KCNIP4: variants seen among roughly 807,000 people sequenced by gnomAD.
The protein encoded by KCNIP4 is potassium voltage-gated channel interacting protein 4.
A neutral mutation model predicts 34.0 loss-of-function variants in KCNIP4; 12 were observed. That is an observed-to-expected ratio of 0.35 (90% CI 0.23 to 0.57). The LOEUF is 0.57. Ranked by LOEUF, KCNIP4 falls within the 20% of genes least tolerant of loss-of-function variation. The pLI is 0.83. For missense variants in KCNIP4, 238 were observed against 311.7 expected, an observed-to-expected ratio of 0.76 and a Z score of 1.78; for synonymous variants, 124 against 102.2, an observed-to-expected ratio of 1.21 and a Z score of -1.29.
At chr4:21,310,585 C>T (rs531679070) in intron 1 of KCNIP4, among the ~76,000 whole-genome samples, 159 of 152,170 alleles carry the variant, frequency 1.0e-3, no homozygotes, top group African/African-American at 3.7e-3. Context: ...TGAAAGAAAA[C>T]GAGCAGAAGG....
chr4:21,746,680 C>CAAA lies in KCNIP4; in HGVS notation c.61+201888_61+201890dup, dbSNP rs200443248. Among the ~76,000 whole-genome samples the CAAA allele has an allele frequency of 8.9e-3, 1,315 of 147,884 alleles. 19 individuals are homozygous for CAAA. Among genetic ancestry groups the CAAA allele is most frequent in the South Asian group, 0.04 (187 of 4,660 alleles). ...ATTATCTGAGTCTTATTCATAATAC[C>CAAA]AAAAAAAAAATTGAACCAATCTAAG... On this transcript the variant is annotated intron_variant, in intron 1 of 8. Transcript: ENST00000382152.
intron 1 of KCNIP4, among the ~76,000 whole-genome samples, chr4:21,484,991 A>G (rs1285392295): frequency 6.6e-6 from 1 of 152,166 alleles, no homozygotes; most frequent in Non-Finnish European, 1.5e-5. Flanking sequence ...GAGATATTCT[A>G]CTGAATGGCA....
chr4:20,920,477 A>C (rs1729285789), intron 1 of KCNIP4, among the ~76,000 whole-genome samples: 1 of 152,216 alleles, frequency 6.6e-6, no homozygotes, highest in Admixed American at 6.5e-5. Context: ...GGAGAGGATA[A>C]CAGCACAGGC....
chr4:20,957,928 T>G (rs923331976), intron 1 of KCNIP4, among the ~76,000 whole-genome samples: 1 of 152,202 alleles, frequency 6.6e-6, no homozygotes, highest in African/African-American at 2.4e-5. Flanking sequence ...AGGTGCAGGC[T>G]TGATACAGCA....
intron 1 of KCNIP4, among the ~76,000 whole-genome samples, chr4:21,265,908 T>C (rs1176638266): frequency 1.3e-5 from 2 of 152,260 alleles, no homozygotes; most frequent in African/African-American, 4.8e-5. Flanking sequence ...AAGGTAATTA[T>C]TCAGAATTAA....
intron 1 of KCNIP4, among the ~76,000 whole-genome samples, chr4:20,957,442 G>T (rs901844443): frequency 6.6e-6 from 1 of 151,804 alleles, no homozygotes; most frequent in African/African-American, 2.4e-5. Context: ...TTGAGTAAAG[G>T]GTCCAAGACA....
At chr4:20,863,723 G>C (rs1206751693) in intron 2 of KCNIP4, among the ~76,000 whole-genome samples, 1 of 152,072 alleles carries the variant, frequency 6.6e-6, no homozygotes, top group East Asian at 1.9e-4. Flanking sequence ...TTTCCTCAGT[G>C]AAACTTTTGC....
At chr4:21,897,409 T>A (rs1275834131) in intron 1 of KCNIP4, among the ~76,000 whole-genome samples, 1 of 152,186 alleles carries the variant, frequency 6.6e-6, no homozygotes, top group Admixed American at 6.5e-5. Context: ...TATCAGAATT[T>A]TTTTTCTTGC....
At chr4:20,954,046 C>T (rs1209598563) in intron 1 of KCNIP4, among the ~76,000 whole-genome samples, 3 of 152,100 alleles carry the variant, frequency 2.0e-5, no homozygotes, top group East Asian at 3.9e-4. Flanking sequence ...ATTAACATCC[C>T]TATTTCCAAG....
intron 1 of KCNIP4, among the ~76,000 whole-genome samples, chr4:21,733,373 C>T (rs895154127): frequency 6.6e-6 from 1 of 152,098 alleles, no homozygotes; most frequent in South Asian, 2.1e-4. Context: ...TATGTTAATA[C>T]ATGTCACAAA....
intron 3 of KCNIP4, among the ~76,000 whole-genome samples, chr4:20,821,150 C>T (rs1163075247): frequency 6.6e-6 from 1 of 152,180 alleles, no homozygotes; most frequent in Non-Finnish European, 1.5e-5. Flanking sequence ...ACGGGTCTTC[C>T]CTGGGTTTTG....
At chr4:20,780,786 G>C (rs1756803641) in intron 3 of KCNIP4, among the ~76,000 whole-genome samples, 1 of 152,218 alleles carries the variant, frequency 6.6e-6, no homozygotes, top group Non-Finnish European at 1.5e-5. Context: ...CACTGTTGGA[G>C]CCTTGATCCA....
chr4:21,111,986 T>TAACATCAA (rs1200203491), intron 1 of KCNIP4, among the ~76,000 whole-genome samples: 1 of 143,820 alleles, frequency 7.0e-6, no homozygotes, highest in Admixed American at 6.9e-5. Context: ...TGCATAAAAA[T>TAACATCAA]AACATCAAAA....
At chr4:20,952,504 T>C (rs1343942778) in intron 1 of KCNIP4, among the ~76,000 whole-genome samples, 1 of 152,194 alleles carries the variant, frequency 6.6e-6, no homozygotes, top group Non-Finnish European at 1.5e-5. Context: ...TGACAAGATG[T>C]AAATTTTGCT....
chr4:21,107,556 T>A (rs1486965490), intron 1 of KCNIP4, among the ~76,000 whole-genome samples: 1 of 149,260 alleles, frequency 6.7e-6, no homozygotes, highest in East Asian at 1.9e-4. Context: ...TTTATCCAAT[T>A]TGCCAGTCTA....
At chr4:21,272,053 G>T (rs1292027190) in intron 1 of KCNIP4, among the ~76,000 whole-genome samples, 2 of 152,120 alleles carry the variant, frequency 1.3e-5, no homozygotes, top group Non-Finnish European at 2.9e-5. Context: ...TTTATTTGAG[G>T]TGAACTGCAT....
chr4:21,698,459 A>G (rs1330442810), intron 1 of KCNIP4, among the ~76,000 whole-genome samples: 1 of 152,212 alleles, frequency 6.6e-6, no homozygotes, highest in East Asian at 1.9e-4. Flanking sequence ...TAAAGTTAAT[A>G]GCCAGAACAA....
At chr4:21,130,116 T>A (rs76103584) in intron 1 of KCNIP4, among the ~76,000 whole-genome samples, 2 of 152,106 alleles carry the variant, frequency 1.3e-5, no homozygotes, top group East Asian at 1.9e-4. Context: ...CTTTTTTTTT[T>A]AATCCTTCTA....
intron 1 of KCNIP4, among the ~76,000 whole-genome samples, chr4:20,895,567 T>C (rs1007448943): frequency 9.2e-5 from 14 of 152,372 alleles, no homozygotes; most frequent in Admixed American, 5.2e-4. Flanking sequence ...TTTCCTTTCC[T>C]GAGTTCTTTT....
Sources: allele counts gnomAD v4.1 joint callset (sites outside exome capture counted in the v4.1 genomes callset), GRCh38; gene constraint gnomAD v4.1.1; transcripts MANE v1.5; gene names NCBI Gene and HGNC (gene_info 2026-07-23, HGNC 2026-07-21).